Variants in OR4N2 observed in about 807,000 individuals in gnomAD.
The protein encoded by OR4N2 is olfactory receptor family 4 subfamily N member 2.
For missense variants in OR4N2, 307 were observed against 377.6 expected, an observed-to-expected ratio of 0.81 and a Z score of 1.55; for synonymous variants, 141 against 140.4, an observed-to-expected ratio of 1.00 and a Z score of -0.03.
intron 1 of OR4N2, among the ~76,000 whole-genome samples, chr14:19,812,920 A>G (rs1879338062): frequency 6.6e-6 from 1 of 152,276 alleles, no homozygotes; most frequent in African/African-American, 2.4e-5. Context: ...GTCAATGCAT[A>G]AATTGAATAT....
chr14:19,813,032 A>T lies in OR4N2; in HGVS notation c.-10+9188A>T, dbSNP rs566995418. ...GTGATAAAACTTTCCTAGAAGGGTT[A>T]AAAAGTCTCCATTTTGAGGACTATT... On this transcript the variant is annotated intron_variant, in intron 1 of 1. Coordinates refer to ENST00000557677, the MANE Select transcript of OR4N2 (RefSeq NM_001004723.3). 2.0e-3 allele frequency among the ~76,000 whole-genome samples: 307 copies of T among 152,354 alleles called. 2 individuals are homozygous for T. Among genetic ancestry groups the T allele is most frequent in the African/African-American group, 6.6e-3 (275 of 41,572 alleles).
chr14:19,809,489 T>C (rs56720490), intron 1 of OR4N2, among the ~76,000 whole-genome samples: 6,435 of 151,492 alleles, frequency 0.042, 274 homozygotes, highest in East Asian at 0.37. Flanking sequence ...ATAAGGAACT[T>C]AAACAAAGCA....
intron 1 of OR4N2, among the ~76,000 whole-genome samples, chr14:19,826,915 A>G (rs1879713697): frequency 6.6e-6 from 1 of 152,268 alleles, no homozygotes; most frequent in African/African-American, 2.4e-5. Flanking sequence ...AGTAAATTAG[A>G]TGATAAGACA....
At chr14:19,810,072 A>C (rs1879258119) in intron 1 of OR4N2, among the ~76,000 whole-genome samples, 1 of 152,250 alleles carries the variant, frequency 6.6e-6, no homozygotes, top group Non-Finnish European at 1.5e-5. Context: ...ACAAGCTACA[A>C]AATGGGATAA....
chr14:19,815,316 C>T (rs1403353277), intron 1 of OR4N2, among the ~76,000 whole-genome samples: 1 of 152,270 alleles, frequency 6.6e-6, no homozygotes, highest in Non-Finnish European at 1.5e-5. Flanking sequence ...TATTTCTCCA[C>T]ATCCTCTCCA....
Position 19,828,806 on chromosome 14 carries a change from A to C in OR4N2, c.*434A>C, listed in dbSNP as rs1402935800. ...TAGACGGAGGGCACAGGTAGTGCAAAAACTCAAAGATGATGATGAACTTGG... is the reference window on the plus strand; with the variant it reads ...TAGACGGAGGGCACAGGTAGTGCAACAACTCAAAGATGATGATGAACTTGG... On this transcript the variant is annotated 3_prime_UTR_variant, in exon 2 of 2. Transcript: ENST00000557677. 6.0e-6 allele frequency: 1 copy of C among 167,982 alleles called. No individual in the cohort carries two copies. The highest frequency in any genetic ancestry group is 1.3e-5 in the Non-Finnish European group (1 of 76,580). The allele number at this position is 167,982 out of a possible 1,614,324, so 10.4% of individuals were successfully genotyped here.
chr14:19,823,707 TTA>T (rs1879622585), intron 1 of OR4N2, among the ~76,000 whole-genome samples: 1 of 149,872 alleles, frequency 6.7e-6, no homozygotes, highest in Non-Finnish European at 1.5e-5. Context: ...AGAACAATAT[TTA>T]AAGAGAACAA....
intron 1 of OR4N2, among the ~76,000 whole-genome samples, chr14:19,824,748 C>T (rs1306845789): frequency 3.9e-5 from 6 of 152,216 alleles, no homozygotes; most frequent in African/African-American, 1.4e-4. Context: ...ATCTTCCTTT[C>T]CTTATGATTT....
intron 1 of OR4N2, chr14:19,822,422 C>T (rs1879589131): frequency 6.6e-6 from 1 of 152,228 alleles, no homozygotes; most frequent in South Asian, 2.1e-4. Context: ...GAAGATAAGT[C>T]CTTGACCTCT....
intron 1 of OR4N2, among the ~76,000 whole-genome samples, chr14:19,824,191 AT>A (rs376911103): frequency 1.0e-3 from 155 of 151,162 alleles, no homozygotes; most frequent in African/African-American, 2.3e-3. Flanking sequence ...TCATATATGG[AT>A]TTTTTTTTTG....
At chr14:19,810,221 C>A (rs1164807995) in intron 1 of OR4N2, among the ~76,000 whole-genome samples, 1 of 152,136 alleles carries the variant, frequency 6.6e-6, no homozygotes, top group Non-Finnish European at 1.5e-5. Flanking sequence ...TACATGCAGC[C>A]AAGAAGCATA....
chr14:19,828,722 G>A lies in OR4N2; in HGVS notation c.*350G>A. On this transcript the variant is annotated 3_prime_UTR_variant, in exon 2 of 2. Coordinates refer to ENST00000557677, the MANE Select transcript of OR4N2 (RefSeq NM_001004723.3). ...AAGACCTTGAAGAGCTGACGTTTTG[G>A]ATGATATCTGGATAAACTGAAGAAG... 8.7e-6 allele frequency: 2 copies of A among 228,812 alleles called. No individual in the cohort carries two copies. The highest frequency in any genetic ancestry group is 8.7e-6 in the Non-Finnish European group (1 of 114,892). The allele number at this position is 228,812 out of a possible 1,614,324, so 14.2% of individuals were successfully genotyped here. A position where few individuals can be genotyped will look rare whatever the true frequency, so the allele number is the denominator to read the frequency against.
At chr14:19,818,678 T>C (rs1879487667) in intron 1 of OR4N2, among the ~76,000 whole-genome samples, 1 of 152,220 alleles carries the variant, frequency 6.6e-6, no homozygotes, top group Non-Finnish European at 1.5e-5. Context: ...TTAACCCATT[T>C]ACATTTAAGG....
chr14:19,822,577 G>A (rs1879593985), intron 1 of OR4N2: 1 of 152,192 alleles, frequency 6.6e-6, no homozygotes, highest in African/African-American at 2.4e-5. Context: ...TTACATGAAG[G>A]CATTACTGAC....
At chr14:19,804,518 A>G (rs990200083) in intron 1 of OR4N2, among the ~76,000 whole-genome samples, 6 of 152,078 alleles carry the variant, frequency 3.9e-5, no homozygotes, top group African/African-American at 1.2e-4. Context: ...GATGTATTTT[A>G]TTGTATTGAT....
intron 1 of OR4N2, among the ~76,000 whole-genome samples, chr14:19,813,769 T>C (rs1393135922): frequency 6.6e-6 from 1 of 152,100 alleles, no homozygotes; most frequent in Non-Finnish European, 1.5e-5. Flanking sequence ...ACTTCTGAAT[T>C]CCTTGGATAA....
chr14:19,815,597 CA>C (rs1321363813), intron 1 of OR4N2, among the ~76,000 whole-genome samples: 1 of 150,780 alleles, frequency 6.6e-6, no homozygotes, highest in Non-Finnish European at 1.5e-5. Context: ...GGATAGATTG[CA>C]AAAATTTCCT....
chr14:19,807,161 A>G (rs1879183685), intron 1 of OR4N2, among the ~76,000 whole-genome samples: 1 of 151,760 alleles, frequency 6.6e-6, no homozygotes, highest in African/African-American at 2.4e-5. Context: ...TTAATAATCC[A>G]ACTTTGCACC....
chr14:19,814,674 C>CT (rs1566464502), intron 1 of OR4N2, among the ~76,000 whole-genome samples: 1 of 152,152 alleles, frequency 6.6e-6, no homozygotes, highest in Admixed American at 6.5e-5. Context: ...TTGGTGAAGT[C>CT]TTTTTTAAAA....
Sources: gnomAD v4.1 joint callset for allele counts (sites outside exome capture counted in the v4.1 genomes callset) on GRCh38, gnomAD v4.1.1 for gene constraint, MANE v1.5 for transcripts, NCBI Gene and HGNC (gene_info 2026-07-23, HGNC 2026-07-21) for gene names.